The following SLC37A2 variants were observed in gnomAD, a reference collection of about 807,000 sequenced individuals.
SLC37A2 encodes the protein solute carrier family 37 member 2, also known as glucose-6-phosphate exchanger SLC37A2.
SLC37A2 carries 59 observed loss-of-function variants against 70.7 expected under a neutral mutation model. That is an observed-to-expected ratio of 0.83 (90% CI 0.68 to 1.04). The LOEUF (loss-of-function observed/expected upper bound fraction) is 1.04, where lower values mean the gene tolerates loss of function less well. SLC37A2 is among the 50% of genes least tolerant of loss of function. The pLI, the probability that SLC37A2 is intolerant of heterozygous loss-of-function variation, is 0.00. For missense variants in SLC37A2, 580 were observed against 658.1 expected (o/e 0.88, Z 1.30); for synonymous variants, 257 against 262.1 (o/e 0.98, Z 0.19).
chr11:125,082,246 C>T lies in SLC37A2; in HGVS notation c.888C>T (p.Gly296=), dbSNP rs202234590. The change falls in exon 10 of 18, where the codon GGC becomes GGT. Residue 296 remains glycine (G), a splice_region_variant and synonymous_variant. Coordinates refer to ENST00000403796, the MANE Select transcript of SLC37A2 (RefSeq NM_001145290.2). ...GTGCCCCCTGTTGCACTCCCCAGGG[C>T]GTGGTCGAGTTCTCTCTGTGTCTGC... is the stretch of plus-strand genomic sequence containing the variant. ...ISFFGALRIP[G]VVEFSLCLLF... is the part of the protein sequence containing the mutation. The T allele has an allele frequency of 1.2e-4, 201 of 1,613,788 alleles. No individual in the cohort carries two copies. The Middle Eastern group carries it at 1.8e-3, about 15-fold the overall frequency.
chr11:125,078,316 T>C (rs930345468), intron 4 of SLC37A2, among the ~76,000 whole-genome samples: 1 of 152,206 alleles, frequency 6.6e-6, no homozygotes, highest in Admixed American at 6.5e-5. Context: ...CAGAGACGCA[T>C]GGAAGGGTTT....
chr11:125,084,084 C>A, intron 11 of SLC37A2, 150 bp from the exon 12 acceptor site: 1 of 889,892 alleles, frequency 1.1e-6, no homozygotes, highest in African/African-American at 1.6e-5. Context: ...TAGTGATGGG[C>A]ACTACAGGAA....
intron 9 of SLC37A2, 81 bp from the exon 10 acceptor site, chr11:125,082,163 G>A: frequency 7.5e-7 from 1 of 1,336,630 alleles, no homozygotes; most frequent in Non-Finnish European, 1.1e-6. Context: ...GTACTGGGGT[G>A]GTGCTGAGCA....
chr11:125,081,360 C>T (rs200800407), intron 7 of SLC37A2, 61 bp from the exon 8 acceptor site: 17 of 1,529,590 alleles, frequency 1.1e-5, no homozygotes, highest in Non-Finnish European at 1.5e-5. Flanking sequence ...GCCTGGCAAT[C>T]ACCTCGGGAT....
At chr11:125,078,540 G>C (rs922168250) in intron 4 of SLC37A2, among the ~76,000 whole-genome samples, 1 of 152,190 alleles carries the variant, frequency 6.6e-6, no homozygotes, top group Non-Finnish European at 1.5e-5. Flanking sequence ...TGAATGTGAG[G>C]GGTGGGGAGG....
chr11:125,085,618 A>T lies in SLC37A2; in HGVS notation c.1369A>T (p.Thr457Ser). The T allele has an allele frequency of 6.2e-7, 1 of 1,613,580 alleles. No individual in the cohort carries two copies. Among genetic ancestry groups the T allele is most frequent in the Non-Finnish European group, 8.5e-7 (1 of 1,179,966 alleles). ...TCTGCTGGCTGGGCTCATCTCCCCC[A>T]CGGGCTGGAACAATGTCTTCTACAT... ...GPLLAGLISP[T>S]GWNNVFYMLI... Residue 457 changes from threonine (T) to serine (S), a missense_variant, in exon 16 of 18, where the codon ACG (threonine) becomes TCG (serine). By Grantham distance (58) the Thr-to-Ser change is moderately conservative (BLOSUM62 1). Coordinates refer to ENST00000403796, the MANE Select transcript of SLC37A2 (RefSeq NM_001145290.2).
At chr11:125,078,169 C>T (rs183733970) in intron 4 of SLC37A2, among the ~76,000 whole-genome samples, 11 of 152,248 alleles carry the variant, frequency 7.2e-5, no homozygotes, top group Admixed American at 3.9e-4. Context: ...AGGAATAGCA[C>T]GAGCAAGTAG....
At position 125,079,179 on chromosome 11, in the gene SLC37A2, T is replaced by A; in HGVS notation, c.382T>A (p.Phe128Ile). The A allele has an allele frequency of 6.2e-7, 1 of 1,614,216 alleles. No homozygotes were observed. The highest frequency in any genetic ancestry group is 8.5e-7 in the Non-Finnish European group (1 of 1,180,030). The change falls in exon 5 of 18, where the codon TTC becomes ATC. Residue 128 changes from phenylalanine to isoleucine, a missense_variant. Coordinates refer to ENST00000403796, the MANE Select transcript of SLC37A2 (RefSeq NM_001145290.2). ...LSAGMLLSGL[F>I]TSLFGLGYFW... ...AGCTGGAATGCTGCTCAGTGGCCTT[T>A]TCACCTCGCTCTTTGGCCTGGGATA...
chr11:125,067,138 C>T (rs1385025308), intron 1 of SLC37A2, among the ~76,000 whole-genome samples: 2 of 152,062 alleles, frequency 1.3e-5, no homozygotes, highest in African/African-American at 4.8e-5. Flanking sequence ...CACCACCACA[C>T]CCAGCTAAGT....
At chr11:125,072,434 A>G (rs755756318) in intron 1 of SLC37A2, among the ~76,000 whole-genome samples, 2 of 152,124 alleles carry the variant, frequency 1.3e-5, no homozygotes, top group Non-Finnish European at 2.9e-5. Flanking sequence ...GGGTCATGGG[A>G]CAGCCGCCCC....
chr11:125,080,667 T>G lies in SLC37A2; in HGVS notation c.581T>G (p.Leu194Arg). Residue 194 changes from leucine (L) to arginine (R), a missense_variant, in exon 7 of 18, where the codon CTG (leucine) becomes CGG (arginine). Transcript: ENST00000403796. The surrounding 1 kb of genome is among the most constrained non-coding windows in gnomAD (Gnocchi z 4.3). ...WNSHTSVGNILGSLIAGIWVN... is the reference protein window; with the variant it reads ...WNSHTSVGNIRGSLIAGIWVN... The stretch of plus-strand genomic sequence containing the variant: ...TCCCACACATCTGTGGGCAACATCC[T>G]GGGCTCCCTGATCGCCGGCATCTGG... The G allele has an allele frequency of 6.3e-7, 1 of 1,581,130 alleles. No homozygotes were observed. The highest frequency in any genetic ancestry group is 8.6e-7 in the Non-Finnish European group (1 of 1,163,204).
At chr11:125,069,835 C>T (rs1312460419) in intron 1 of SLC37A2, among the ~76,000 whole-genome samples, 1 of 152,246 alleles carries the variant, frequency 6.6e-6, no homozygotes, top group African/African-American at 2.4e-5. Context: ...TTGCTCTCCT[C>T]CTCCTGTTAG....
intron 17 of SLC37A2, 43 bp from the exon 18 acceptor site, chr11:125,088,076 T>A (rs368676488): frequency 4.5e-6 from 7 of 1,550,826 alleles, no homozygotes; most frequent in Non-Finnish European, 6.1e-6. Flanking sequence ...GCTTATGAAG[T>A]CATCTCACTT....
At position 125,080,847 on chromosome 11, in the gene SLC37A2, G is replaced by C. The variant is rs1025045320; in HGVS notation, c.694+67G>C. The C allele has an allele frequency of 4.6e-6, 6 of 1,310,096 alleles. No homozygotes were observed. The highest frequency in any genetic ancestry group is 5.6e-5 in the East Asian group (2 of 35,804). 81.2% of individuals were successfully genotyped at this position (1,310,096 alleles called of 1,614,324 possible). ...CTCGGTTTCTGGGAGAAGGCAGCTG[G>C]ATCTACTGGAAAGATTGCTGGTCAC... On this transcript the variant is annotated intron_variant, in intron 7 of 17. Transcript: ENST00000403796. The surrounding 1 kb of genome is among the most constrained non-coding windows in gnomAD (Gnocchi z 4.3).
chr11:125,077,408 C>T lies in SLC37A2; in HGVS notation c.236-42C>T, dbSNP rs771864476. ...GTCCAGGGAGGGCTTCCTGCAGGGG[C>T]ATCCACGCAGTCAGCTTTCTGTTTC... On this transcript the variant is annotated intron_variant, in intron 3 of 17. Coordinates refer to ENST00000403796, the MANE Select transcript of SLC37A2 (RefSeq NM_001145290.2). 6 of 1,594,406 alleles carry T rather than the reference C, an allele frequency of 3.8e-6. No homozygotes were observed. In the East Asian group the frequency reaches 1.3e-4, roughly 36 times the overall value.
chr11:125,080,849 T>C lies in SLC37A2; in HGVS notation c.694+69T>C. ...CGGTTTCTGGGAGAAGGCAGCTGGA[T>C]CTACTGGAAAGATTGCTGGTCACAG... On this transcript the variant is annotated intron_variant, in intron 7 of 17. Transcript: ENST00000403796. The surrounding 1 kb of genome is among the most constrained non-coding windows in gnomAD (Gnocchi z 4.3). 7.7e-7 allele frequency: 1 copy of C among 1,306,902 alleles called. No individual in the cohort carries two copies. The highest frequency in any genetic ancestry group is 1.5e-5 in the African/African-American group (1 of 66,164). The allele number at this position is 1,306,902 out of a possible 1,614,324, so 81.0% of individuals were successfully genotyped here. A position where few individuals can be genotyped will look rare whatever the true frequency, so the allele number is the denominator to read the frequency against.
intron 3 of SLC37A2, 57 bp from the exon 4 acceptor site, chr11:125,077,393 G>C: frequency 6.3e-7 from 1 of 1,596,178 alleles, no homozygotes; most frequent in Non-Finnish European, 8.6e-7. Flanking sequence ...GTCCAGGGAG[G>C]GCTTCCTGCA....
chr11:125,085,327 C>G, intron 14 of SLC37A2, 68 bp from the exon 15 acceptor site: 1 of 1,502,208 alleles, frequency 6.7e-7, no homozygotes, highest in South Asian at 1.2e-5. Flanking sequence ...GAGTCAGCCC[C>G]TCTCCTGTCC....
chr11:125,068,680 A>G (rs2135559261), intron 1 of SLC37A2, among the ~76,000 whole-genome samples: 1 of 152,356 alleles, frequency 6.6e-6, no homozygotes, highest in African/African-American at 2.4e-5. Flanking sequence ...GTTAGAGATT[A>G]TATGTATACA....
Sources: allele counts gnomAD v4.1 joint callset (sites outside exome capture counted in the v4.1 genomes callset), GRCh38; gene constraint gnomAD v4.1.1; non-coding constraint Gnocchi (gnomAD v3.1); transcripts MANE v1.5; gene names NCBI Gene and HGNC (gene_info 2026-07-23, HGNC 2026-07-21).